Variants in KCNAB1 observed in about 807,000 individuals in gnomAD.
The protein encoded by KCNAB1 is voltage-gated potassium channel subunit beta-1.
A neutral mutation model predicts 64.6 loss-of-function variants in KCNAB1; 35 were observed. The observed-to-expected ratio is 0.54, with a 90% CI of 0.41 to 0.72. The LOEUF is 0.72. Ranked by LOEUF, KCNAB1 falls within the 30% of genes least tolerant of loss-of-function variation. The pLI is 0.00. For missense variants in KCNAB1, 401 were observed against 512.9 expected, an observed-to-expected ratio of 0.78 and a Z score of 2.11; for synonymous variants, 177 against 183.8, an observed-to-expected ratio of 0.96 and a Z score of 0.30.
chr3:156,374,188 G>A (rs1268606802), intron 1 of KCNAB1, among the ~76,000 whole-genome samples: 2 of 152,266 alleles, frequency 1.3e-5, no homozygotes, highest in East Asian at 1.9e-4. Flanking sequence ...CAACTGGGTG[G>A]CCTCAGGAAA....
chr3:156,135,662 T>C (rs73161083), intron 1 of KCNAB1, among the ~76,000 whole-genome samples: 3,033 of 152,368 alleles, frequency 0.02, 47 homozygotes, highest in Non-Finnish European at 0.031. Context: ...GTGCATGATA[T>C]CACAAAACTG....
intron 1 of KCNAB1, among the ~76,000 whole-genome samples, chr3:156,322,869 CT>C (rs1215478772): frequency 1.3e-5 from 2 of 152,204 alleles, no homozygotes; most frequent in African/African-American, 4.8e-5. Flanking sequence ...TAATGAGCCT[CT>C]TAGCCCATGT....
intron 1 of KCNAB1, among the ~76,000 whole-genome samples, chr3:156,172,157 T>C (rs1056872677): frequency 2.0e-5 from 3 of 152,232 alleles, no homozygotes; most frequent in Non-Finnish European, 4.4e-5. Context: ...GAAGTTGTTA[T>C]TAAACCACAT....
chr3:156,442,497 G>A (rs1489020201), intron 2 of KCNAB1, among the ~76,000 whole-genome samples: 1 of 152,156 alleles, frequency 6.6e-6, no homozygotes, highest in Non-Finnish European at 1.5e-5. Flanking sequence ...GTATTCCTTG[G>A]CACTGAAATA....
At chr3:156,447,518 C>G (rs188697958) in intron 2 of KCNAB1, among the ~76,000 whole-genome samples, 4 of 152,212 alleles carry the variant, frequency 2.6e-5, no homozygotes, top group African/African-American at 7.2e-5. Flanking sequence ...ATTGCATTTA[C>G]ATATTCTCTT....
intron 12 of KCNAB1, among the ~76,000 whole-genome samples, chr3:156,524,789 C>A (rs1718202422): frequency 7.0e-6 from 1 of 142,478 alleles, no homozygotes; most frequent in Admixed American, 7.1e-5. Context: ...AAACCCCAAA[C>A]CACATCCACT....
At chr3:156,340,917 A>T (rs908843297) in intron 1 of KCNAB1, among the ~76,000 whole-genome samples, 8 of 152,048 alleles carry the variant, frequency 5.3e-5, no homozygotes, top group African/African-American at 1.9e-4. Flanking sequence ...AAAGTATTAG[A>T]CTCCCTCAAG....
At chr3:156,286,149 C>T (rs1310761067) in intron 1 of KCNAB1, among the ~76,000 whole-genome samples, 1 of 152,168 alleles carries the variant, frequency 6.6e-6, no homozygotes, top group Non-Finnish European at 1.5e-5. Flanking sequence ...CTTGATATTT[C>T]CAATATGGCT....
At chr3:156,374,896 A>G (rs1711541306) in intron 1 of KCNAB1, among the ~76,000 whole-genome samples, 2 of 136,290 alleles carry the variant, frequency 1.5e-5, no homozygotes, top group Non-Finnish European at 3.1e-5. Context: ...AATATAAATG[A>G]TTAATAGACG....
At chr3:156,269,821 G>T (rs1465940343) in intron 1 of KCNAB1, among the ~76,000 whole-genome samples, 1 of 151,866 alleles carries the variant, frequency 6.6e-6, no homozygotes, top group East Asian at 1.9e-4. Context: ...CATTTGCATG[G>T]AGTATCTTTT....
intron 1 of KCNAB1, among the ~76,000 whole-genome samples, chr3:156,307,720 A>G (rs1021864723): frequency 1.8e-4 from 27 of 152,216 alleles, no homozygotes; most frequent in Admixed American, 5.2e-4. Context: ...TCCAACCACG[A>G]TGGAGCAGGA....
At chr3:156,240,321 T>C (rs913578831) in intron 1 of KCNAB1, among the ~76,000 whole-genome samples, 7 of 152,222 alleles carry the variant, frequency 4.6e-5, no homozygotes, top group African/African-American at 1.7e-4. Flanking sequence ...CCTTTCTTTC[T>C]ATTTTTTCCT....
chr3:156,329,398 C>G (rs1476503366), intron 1 of KCNAB1, among the ~76,000 whole-genome samples: 2 of 151,964 alleles, frequency 1.3e-5, no homozygotes, highest in Non-Finnish European at 2.9e-5. Context: ...TTCTTCAAGT[C>G]CAAGAAAAGG....
chr3:156,459,948 A>G, intron 5 of KCNAB1, 77 bp downstream of exon 5: 2 of 989,998 alleles, frequency 2.0e-6, no homozygotes, highest in Non-Finnish European at 3.1e-6. Context: ...AAATTATATG[A>G]CACCTGACCA....
chr3:156,264,763 G>A (rs1467523891), intron 1 of KCNAB1, among the ~76,000 whole-genome samples: 4 of 152,044 alleles, frequency 2.6e-5, no homozygotes, highest in African/African-American at 9.7e-5. Context: ...ATTTATTCAT[G>A]CAATGGTATG....
At chr3:156,222,400 C>T (rs1406857549) in intron 1 of KCNAB1, among the ~76,000 whole-genome samples, 3 of 152,178 alleles carry the variant, frequency 2.0e-5, no homozygotes, top group Admixed American at 2.0e-4. Context: ...ATACATGCAT[C>T]TAACACTGGA....
intron 1 of KCNAB1, among the ~76,000 whole-genome samples, chr3:156,155,736 C>T (rs953801909): frequency 6.6e-6 from 1 of 152,156 alleles, no homozygotes; most frequent in Non-Finnish European, 1.5e-5. Context: ...ATTGAAAGTT[C>T]AGGAGGTCCT....
chr3:156,343,435 G>A (rs1287962332), intron 1 of KCNAB1, among the ~76,000 whole-genome samples: 1 of 152,184 alleles, frequency 6.6e-6, no homozygotes, highest in Non-Finnish European at 1.5e-5. Context: ...AGTTTGTGAT[G>A]GTTCCATGAA....
rs1712822089 is a variant in KCNAB1, at chr3:156,460,514, T to C, written c.482+643T>C. On this transcript the variant is annotated intron_variant, in intron 5 of 13. Coordinates refer to ENST00000490337, the MANE Select transcript of KCNAB1 (RefSeq NM_172160.3). ...ACATCTATGGGCAGTGGGGAGGTAA[T>C]ACTTCCCCATTTCACTATAGATTTC... is the stretch of plus-strand genomic sequence containing the variant. The C allele has an allele frequency of 3.3e-5, 5 of 152,272 alleles. No homozygotes were observed. The South Asian group carries it at 1.0e-3, about 32-fold the overall frequency. 9.4% of individuals were successfully genotyped at this position (152,272 alleles called of 1,614,324 possible). A position where few individuals can be genotyped will look rare whatever the true frequency, so the allele number is the denominator to read the frequency against.
Sources: allele counts gnomAD v4.1 joint callset (sites outside exome capture counted in the v4.1 genomes callset), GRCh38; gene constraint gnomAD v4.1.1; transcripts MANE v1.5; gene names NCBI Gene and HGNC (gene_info 2026-07-23, HGNC 2026-07-21).